MYO3B: variants seen among roughly 807,000 people sequenced by gnomAD.
The protein encoded by MYO3B is myosin-IIIb.
In MYO3B, 156 loss-of-function variants were observed where a neutral mutation model predicts 174.6. That is an observed-to-expected ratio of 0.89 (90% CI 0.78 to 1.02). The LOEUF (loss-of-function observed/expected upper bound fraction) is 1.02. Ranked by LOEUF, MYO3B falls within the 50% of genes least tolerant of loss-of-function variation. The pLI is 0.00. For missense variants in MYO3B, 1,632 were observed against 1,639.4 expected, an observed-to-expected ratio of 1.00 and a Z score of 0.08; for synonymous variants, 563 against 569.1, an observed-to-expected ratio of 0.99 and a Z score of 0.15.
chr2:170,203,515 G>T (rs1233230858), intron 3 of MYO3B, among the ~76,000 whole-genome samples: 1 of 104,204 alleles, frequency 9.6e-6, no homozygotes, highest in African/African-American at 3.6e-5. Context: ...GGGAGGGAGG[G>T]AGGGAGAAAG....
At chr2:170,253,627 C>G (rs537842178) in intron 7 of MYO3B, among the ~76,000 whole-genome samples, 1 of 151,828 alleles carries the variant, frequency 6.6e-6, no homozygotes. Context: ...GTAAAGAAGA[C>G]GAGAGCTCCT....
At chr2:170,195,274 G>A (rs936002399) in intron 1 of MYO3B, among the ~76,000 whole-genome samples, 2 of 152,096 alleles carry the variant, frequency 1.3e-5, no homozygotes, top group Admixed American at 1.3e-4. Flanking sequence ...CTTTTGGCAT[G>A]CCACACCGTC....
rs140042109 is a variant in MYO3B, at chr2:170,509,311, C to A, written c.3371-5610C>A. Among the ~76,000 whole-genome samples the A allele has an allele frequency of 2.0e-5, 3 of 152,112 alleles. No individual in the cohort carries two copies. In the South Asian group the frequency reaches 6.2e-4, roughly 32 times the overall value. ...GGCATAGGTTGCAGTGAGCCAAGAT[C>A]GCACCACTGCACTCCAATCTGGGTG... On this transcript the variant is annotated intron_variant, in intron 28 of 34. Coordinates refer to ENST00000408978, the MANE Select transcript of MYO3B (RefSeq NM_138995.5).
chr2:170,522,003 A>C (rs1239453397), intron 30 of MYO3B, among the ~76,000 whole-genome samples: 1 of 152,132 alleles, frequency 6.6e-6, no homozygotes, highest in African/African-American at 2.4e-5. Flanking sequence ...GGGTATCTGT[A>C]GTATTGCCTT....
chr2:170,296,666 C>G (rs536201671), intron 7 of MYO3B, among the ~76,000 whole-genome samples: 25 of 152,248 alleles, frequency 1.6e-4, no homozygotes, highest in Middle Eastern at 3.4e-3. Context: ...CTGTATTAGT[C>G]TGTTCTCACA....
intron 25 of MYO3B, among the ~76,000 whole-genome samples, chr2:170,475,436 G>A (rs6759629): frequency 0.62 from 93,621 of 151,930 alleles, 29,031 homozygotes; most frequent in Non-Finnish European, 0.65. Context: ...TTTTTTGTAG[G>A]GACAATATCT....
chr2:170,362,130 G>A (rs780613340), intron 8 of MYO3B, among the ~76,000 whole-genome samples: 5 of 152,148 alleles, frequency 3.3e-5, no homozygotes, highest in Non-Finnish European at 7.4e-5. Context: ...TGGTGCACAC[G>A]TCTTAACTCT....
chr2:170,631,752 A>G (rs1697003840), intron 32 of MYO3B, among the ~76,000 whole-genome samples: 1 of 152,080 alleles, frequency 6.6e-6, no homozygotes, highest in South Asian at 2.1e-4. Flanking sequence ...CCAATATTCA[A>G]CATTCAATGT....
At chr2:170,479,760 GT>G (rs1355278585) in intron 25 of MYO3B, among the ~76,000 whole-genome samples, 1 of 147,200 alleles carries the variant, frequency 6.8e-6, no homozygotes, top group Non-Finnish European at 1.5e-5. Context: ...ATGTGTATAT[GT>G]TGTAACTGAA....
At chr2:170,619,739 T>C (rs1400255594) in intron 32 of MYO3B, among the ~76,000 whole-genome samples, 1 of 93,958 alleles carries the variant, frequency 1.1e-5, no homozygotes, top group African/African-American at 5.5e-5. Context: ...GCCATATTCT[T>C]TTTTTTTTTT....
At chr2:170,518,786 A>C (rs763747787) in intron 29 of MYO3B, among the ~76,000 whole-genome samples, 17 of 152,164 alleles carry the variant, frequency 1.1e-4, no homozygotes, top group Non-Finnish European at 2.2e-4. Context: ...TGTTGATGCT[A>C]CTTGTTGGGC....
intron 1 of MYO3B, among the ~76,000 whole-genome samples, chr2:170,187,328 G>A (rs1286253910): frequency 6.6e-6 from 1 of 152,140 alleles, no homozygotes; most frequent in East Asian, 1.9e-4. Flanking sequence ...TGCCTCCTGG[G>A]TTCAAGTGAT....
chr2:170,192,917 A>C (rs1198596461), intron 1 of MYO3B, among the ~76,000 whole-genome samples: 1 of 151,728 alleles, frequency 6.6e-6, no homozygotes, highest in African/African-American at 2.4e-5. Flanking sequence ...TTTTCTTGGA[A>C]TGTATTGAGG....
chr2:170,495,675 G>T (rs1559055712), intron 25 of MYO3B, among the ~76,000 whole-genome samples: 1 of 151,998 alleles, frequency 6.6e-6, no homozygotes, highest in Non-Finnish European at 1.5e-5. Flanking sequence ...ATCTTTCAAG[G>T]TGCTGGTCAT....
At chr2:170,649,297 AAAAT>A (rs1173233574) in intron 32 of MYO3B, among the ~76,000 whole-genome samples, 1 of 62,324 alleles carries the variant, frequency 1.6e-5, no homozygotes, top group Non-Finnish European at 2.6e-5. Context: ...TATTATATAT[AAAAT>A]AATATATATT....
rs990762692 is a variant in MYO3B at position 170,440,809 on chromosome 2, T to G, written c.2651-3158T>G. On this transcript the variant is annotated intron_variant, in intron 22 of 34. Coordinates refer to ENST00000408978, the MANE Select transcript of MYO3B (RefSeq NM_138995.5). ...ATTTTTGGGTGTTGGTTTTTTTTTTTTTTTTTTTTTTTGAGACGGAGTCTC... is the reference window on the plus strand; with the variant it reads ...ATTTTTGGGTGTTGGTTTTTTTTTTGTTTTTTTTTTTTGAGACGGAGTCTC... Among the ~76,000 whole-genome samples, 5 of 145,334 alleles carry G rather than the reference T, an allele frequency of 3.4e-5. No homozygotes were observed. In the East Asian group the frequency reaches 8.1e-4, roughly 23 times the overall value.
intron 8 of MYO3B, among the ~76,000 whole-genome samples, chr2:170,357,525 T>A (rs2094131710): frequency 6.6e-6 from 1 of 151,888 alleles, no homozygotes; most frequent in Admixed American, 6.6e-5. Flanking sequence ...TTCCAGGGTA[T>A]CTTTCTTCCC....
At chr2:170,370,542 G>C (rs1038581065) in intron 9 of MYO3B, among the ~76,000 whole-genome samples, 4 of 151,608 alleles carry the variant, frequency 2.6e-5, no homozygotes, top group Non-Finnish European at 4.4e-5. Flanking sequence ...GCAGGAACTT[G>C]TGTTTAAGCC....
In MYO3B at chr2:170,544,305, C is replaced by T. The variant is rs143729463; in HGVS notation, c.3733+317C>T. 5.7e-3 allele frequency among the ~76,000 whole-genome samples: 862 copies of T among 152,274 alleles called. 3 individuals carry two copies. The highest frequency in any genetic ancestry group is 8.6e-3 in the Non-Finnish European group (583 of 68,022). On this transcript the variant is annotated intron_variant, in intron 32 of 34. Coordinates refer to ENST00000408978, the MANE Select transcript of MYO3B (RefSeq NM_138995.5). ...GACCAGCTTTTAGTGGAGCGGATCA[C>T]GCAGGGTCGAAATCTAGGAGTTGAT...
Sources: gnomAD v4.1 joint callset for allele counts (sites outside exome capture counted in the v4.1 genomes callset) on GRCh38, gnomAD v4.1.1 for gene constraint, MANE v1.5 for transcripts, NCBI Gene and HGNC (gene_info 2026-07-23, HGNC 2026-07-21) for gene names.